Variants in UBR4 observed in about 807,000 individuals in gnomAD.
UBR4 encodes ubiquitin protein ligase E3 component n-recognin 4.
In UBR4, 124 loss-of-function variants were observed where a neutral mutation model predicts 575.6. The ratio of observed to expected loss-of-function variants is 0.22; its 90% CI spans 0.19 to 0.25. UBR4 has a LOEUF of 0.25. Among genes scored for constraint, UBR4 ranks in the 10% least tolerant of loss-of-function variants. The probability of loss-of-function intolerance (pLI) is 1.00; values close to 1 mark genes in which losing one functional copy is unlikely to be tolerated. For synonymous variants in UBR4, 2,455 were observed against 2,473.7 expected (o/e 0.99, Z 0.22); for missense variants, 4,818 against 6,478.8 (o/e 0.74, Z 8.80).
At position 19,140,857 on chromosome 1, in the gene UBR4, C is replaced by A; in HGVS notation, c.8524G>T (p.Gly2842Ter). The A allele has an allele frequency of 6.2e-7, 1 of 1,612,346 alleles. No homozygotes were observed. The highest frequency in any genetic ancestry group is 8.5e-7 in the Non-Finnish European group (1 of 1,179,768). The part of the protein sequence containing the change: ...SSSALGLQSL[G>*]LSGQAPSSSS... The stretch of plus-strand genomic sequence containing the variant: ...GAGCTGGGTGCCTGGCCGGACAGTC[C>A]CAGGCTCTGCAGGCCCAGGGCACTG... The change falls in exon 58 of 106, where the codon GGA (glycine) becomes TGA (stop). Residue 2842 changes from glycine (G) to a stop codon, truncating the protein, a stop_gained. Transcript: ENST00000375254. LOFTEE classifies it high-confidence loss of function.
In UBR4 at chr1:19,155,536, A is replaced by G. The variant is rs1296759393; in HGVS notation, c.6205T>C (p.Tyr2069His). 6.2e-7 allele frequency: 1 copy of G among 1,614,160 alleles called. No homozygotes were observed. Among genetic ancestry groups the G allele is most frequent in the South Asian group, 1.1e-5 (1 of 91,080 alleles). The part of the protein sequence containing the change: ...NIIVIMSSAG[Y>H]IYTQLMEEAS... ...TCTTCCATAAGCTGAGTATAGATGT[A>G]CCCAGCCGAAGACATTATAACAATG... The change falls in exon 43 of 106, where the codon TAC becomes CAC. Residue 2069 changes from tyrosine to histidine, a missense_variant. This residue lies in a region of UBR4 where 461 missense variants were observed against 606.9 expected (regional missense o/e 0.76). Coordinates refer to ENST00000375254, the MANE Select transcript of UBR4 (RefSeq NM_020765.3).
chr1:19,128,933 G>A (rs573296969), intron 61 of UBR4, 45 bp downstream of exon 61: 12 of 1,559,964 alleles, frequency 7.7e-6, no homozygotes, highest in South Asian at 3.3e-5. Flanking sequence ...GCTTAAGGAC[G>A]GTCCAATCAT....
intron 70 of UBR4, 111 bp downstream of exon 70, chr1:19,119,446 A>G: frequency 2.1e-6 from 3 of 1,415,672 alleles, no homozygotes; most frequent in Non-Finnish European, 2.9e-6. Context: ...TATTTAAAAG[A>G]GGTTTCCTAT....
At position 19,106,938 on chromosome 1, in the gene UBR4, A is replaced by G; in HGVS notation, c.12134T>C (p.Val4045Ala). ...ATGGATCTCATTGCAGTATGGCTTC[A>G]CCGTGGTGAGGGCCTCAACGGGGAC... ...KDVPVEALTT[V>A]KPYCNEIHAQ... Residue 4045 changes from valine to alanine, a missense_variant, in exon 82 of 106, where the codon GTG becomes GCG. Around this residue, in one of 29 missense-constraint regions of UBR4, gnomAD observed 333 missense variants for 459.2 expected, o/e 0.73. Transcript: ENST00000375254. 1 of 1,612,558 alleles carries G rather than the reference A, an allele frequency of 6.2e-7. No homozygotes were observed.
intron 101 of UBR4, among the ~76,000 whole-genome samples, chr1:19,084,987 C>T (rs1173839575): frequency 2.0e-5 from 3 of 152,222 alleles, no homozygotes; most frequent in Admixed American, 6.5e-5. Flanking sequence ...TAGGACATAC[C>T]GTGGCTGCAT....
At chr1:19,149,904 GAA>G in intron 49 of UBR4, 2 of 844,764 alleles carry the variant, frequency 2.4e-6, no homozygotes, top group Non-Finnish European at 3.3e-6. Context: ...CGGGGAAAAA[GAA>G]AGAGAAAGGA....
In UBR4 at chr1:19,164,958, C is replaced by A; in HGVS notation, c.4352G>T (p.Gly1451Val). 1 of 1,614,096 alleles carries A rather than the reference C, an allele frequency of 6.2e-7. No individual in the cohort carries two copies. The change falls in exon 32 of 106, where the codon GGC (glycine) becomes GTC (valine). Residue 1451 changes from glycine (G) to valine (V), a missense_variant. Gly to Val is a moderately radical substitution (Grantham distance 109). This residue lies in a region of UBR4 where 1,172 missense variants were observed against 1,259.7 expected (regional missense o/e 0.93). Transcript: ENST00000375254. ...SPNPSLLHLCGSLAQLACVEP... is the reference protein window; with the variant it reads ...SPNPSLLHLCVSLAQLACVEP... ...CACACAGGCCAGTTGTGCCAGGGAG[C>A]CACAGAGATGCAACAGGCTCGGGTT...
intron 61 of UBR4, 47 bp from the exon 62 acceptor site, chr1:19,128,365 A>C: frequency 6.6e-7 from 1 of 1,523,760 alleles, no homozygotes. Context: ...CCTAAAGAAG[A>C]ACGACTTGAA....
chr1:19,110,338 C>G lies in UBR4; in HGVS notation c.11977+42G>C. On this transcript the variant is annotated intron_variant, in intron 80 of 105. Coordinates refer to ENST00000375254, the MANE Select transcript of UBR4 (RefSeq NM_020765.3). This position sits in a 1 kb window ranked among gnomAD's most constrained non-coding sequence, Gnocchi z 4.5. ...CCTCCCAGTCCGGCCAGGACTGCTC[C>G]TTTGAGCCTCCTTTCCTTTCTCTGA... 1 of 1,613,770 alleles carries G rather than the reference C, an allele frequency of 6.2e-7. No individual in the cohort carries two copies. The highest frequency in any genetic ancestry group is 8.5e-7 in the Non-Finnish European group (1 of 1,179,754).
At position 19,210,100 on chromosome 1, in the gene UBR4, G is replaced by C. The variant is rs1486732251; in HGVS notation, c.149C>G (p.Pro50Arg). 1.9e-6 allele frequency: 3 copies of C among 1,580,174 alleles called. No homozygotes were observed. Among genetic ancestry groups the C allele is most frequent in the African/African-American group, 2.8e-5 (2 of 71,718 alleles). Reference protein sequence around the residue: ...SYSAFEMKELPQLVASVIESE... With the variant: ...SYSAFEMKELRQLVASVIESE... ...CTCGATGACTGAGGCCACCAGCTGC[G>C]GCAACTCCTTCATCTCGAAGGCGGA... Residue 50 changes from proline to arginine, a missense_variant, in exon 1 of 106, where the codon CCG (proline) becomes CGG (arginine). Around this residue, in one of 29 missense-constraint regions of UBR4, gnomAD observed 95 missense variants for 87.7 expected, o/e 1.08. Transcript: ENST00000375254.
chr1:19,117,462 T>A lies in UBR4; in HGVS notation c.10630-48A>T. 1.3e-6 allele frequency: 2 copies of A among 1,584,748 alleles called. No homozygotes were observed. Among genetic ancestry groups the A allele is most frequent in the Non-Finnish European group, 1.7e-6 (2 of 1,156,816 alleles). On this transcript the variant is annotated intron_variant, in intron 72 of 105. Transcript: ENST00000375254. The surrounding 1 kb of genome is among the most constrained non-coding windows in gnomAD (Gnocchi z 4.0). Reference sequence around the variant, plus strand: ...CATGGTATTAGTTCAAGACTCGTACTGCCTTTTTAAAAATTCATCAGTGTA... The same window carrying A: ...CATGGTATTAGTTCAAGACTCGTACAGCCTTTTTAAAAATTCATCAGTGTA...
In UBR4 at chr1:19,122,845, T is replaced by A. The variant is rs756443841; in HGVS notation, c.9804A>T (p.Thr3268=). Residue 3268 remains threonine, a synonymous_variant, in exon 66 of 106, where the codon ACA becomes ACT. Transcript: ENST00000375254. ...ASSGSALQYD[T]LISLMEHLKA... is the part of the protein sequence containing the mutation. Reference sequence around the variant, plus strand: ...CCAGCCCTCGTACCAGGCTGATGAGTGTGTCATATTGCAAGGCGGAGCCTG... The same window carrying A: ...CCAGCCCTCGTACCAGGCTGATGAGAGTGTCATATTGCAAGGCGGAGCCTG... 5 of 1,614,060 alleles carry A rather than the reference T, an allele frequency of 3.1e-6. No individual in the cohort carries two copies.
At position 19,148,086 on chromosome 1, in the gene UBR4, C is replaced by T. The variant is rs1384134909; in HGVS notation, c.7536G>A (p.Leu2512=). Reference sequence around the variant, plus strand: ...CACTGGCAGGTGCTGGCAGGGACAACAGCAAAGTGGCCAGCTCCTGAGCAG... The same window carrying T: ...CACTGGCAGGTGCTGGCAGGGACAATAGCAAAGTGGCCAGCTCCTGAGCAG... ...KNAAQELATL[L]LSLPAPASVQ... Residue 2512 remains leucine, a synonymous_variant, in exon 51 of 106, where the codon CTG becomes CTA. Coordinates refer to ENST00000375254, the MANE Select transcript of UBR4 (RefSeq NM_020765.3). The T allele has an allele frequency of 8.1e-6, 13 of 1,610,836 alleles. No homozygotes were observed. Among genetic ancestry groups the T allele is most frequent in the South Asian group, 1.1e-5 (1 of 91,070 alleles).
At chr1:19,204,814 C>G (rs2092928008) in intron 1 of UBR4, among the ~76,000 whole-genome samples, 1 of 152,024 alleles carries the variant, frequency 6.6e-6, no homozygotes, top group Admixed American at 6.6e-5. Context: ...TGGACATTGT[C>G]ATATCTCTTG....
rs1264921479 is a variant in UBR4 at position 19,197,771 on chromosome 1, T to C, written c.792A>G (p.Pro264=). The change falls in exon 7 of 106, where the codon CCA becomes CCG. Residue 264 remains proline, a synonymous_variant. Coordinates refer to ENST00000375254, the MANE Select transcript of UBR4 (RefSeq NM_020765.3). ...EKLLRVCLNL[P]YFLRYINRFQ... is the part of the protein sequence containing the mutation. The stretch of plus-strand genomic sequence containing the variant: ...ACCGATTGATATAGCGTAGGAAATA[T>C]GGCAGGTTCAAACATACACGCAGTA... The C allele has an allele frequency of 6.2e-7, 1 of 1,614,120 alleles. No homozygotes were observed.
chr1:19,151,530 A>G, intron 48 of UBR4, 113 bp downstream of exon 48: 2 of 1,169,824 alleles, frequency 1.7e-6, no homozygotes, highest in Non-Finnish European at 2.5e-6. Context: ...ATGAAAGGAC[A>G]GAAAAATCAG....
At chr1:19,205,581 T>C (rs369750618) in intron 1 of UBR4, among the ~76,000 whole-genome samples, 1 of 151,860 alleles carries the variant, frequency 6.6e-6, no homozygotes. Context: ...TACTAAGACA[T>C]AGAAACAGTA....
chr1:19,081,120 G>A (rs2076460101), intron 103 of UBR4: 4 of 493,128 alleles, frequency 8.1e-6, no homozygotes, highest in Non-Finnish European at 1.4e-5. Context: ...CAGTAGGTAA[G>A]ACTGGCTCTA....
At chr1:19,102,700 C>A (rs1258054036) in intron 87 of UBR4, among the ~76,000 whole-genome samples, 1 of 152,168 alleles carries the variant, frequency 6.6e-6, no homozygotes, top group Non-Finnish European at 1.5e-5. Context: ...GGTTTCCATG[C>A]CCTGCCCAGA....
Sources: allele counts gnomAD v4.1 joint callset (sites outside exome capture counted in the v4.1 genomes callset), GRCh38; gene constraint gnomAD v4.1.1; regional missense constraint gnomAD v4.1.1; non-coding constraint Gnocchi (gnomAD v3.1); transcripts MANE v1.5; gene names NCBI Gene and HGNC (gene_info 2026-07-23, HGNC 2026-07-21).